LIPA: variants seen among roughly 807,000 people sequenced by gnomAD.
LIPA encodes lysosomal acid lipase/cholesteryl ester hydrolase.
Under a neutral mutation model 40.6 loss-of-function variants are expected in LIPA, and 26 were observed. The observed-to-expected ratio is 0.64, with a 90% confidence interval of 0.47 to 0.89. LIPA has a LOEUF of 0.89. Among genes scored for constraint, LIPA ranks in the 40% least tolerant of loss-of-function variants. The pLI is 0.00. For missense variants in LIPA, 455 were observed against 479.6 expected (o/e 0.95, Z 0.48); for synonymous variants, 188 against 168.4 (o/e 1.12, Z -0.90).
At chr10:89,298,173 T>A (rs543173409) in intron 1 of LIPA, among the ~76,000 whole-genome samples, 2 of 152,350 alleles carry the variant, frequency 1.3e-5, no homozygotes, top group Non-Finnish European at 2.9e-5. Flanking sequence ...GGCCCACTGC[T>A]GCCACTATCA....
At chr10:89,287,509 C>G (rs950058520) in intron 1 of LIPA, among the ~76,000 whole-genome samples, 1 of 152,130 alleles carries the variant, frequency 6.6e-6, no homozygotes, top group Non-Finnish European at 1.5e-5. Context: ...AAACTACAGC[C>G]ACATCTCATT....
At chr10:89,245,397 C>T (rs1843010850) in intron 3 of LIPA, among the ~76,000 whole-genome samples, 1 of 152,036 alleles carries the variant, frequency 6.6e-6, no homozygotes, top group Non-Finnish European at 1.5e-5. Flanking sequence ...CTATTTAATG[C>T]TCAAAACATT....
intron 8 of LIPA, among the ~76,000 whole-genome samples, chr10:89,218,722 A>G (rs1028760052): frequency 1.4e-4 from 21 of 152,194 alleles, no homozygotes; most frequent in African/African-American, 5.1e-4. Flanking sequence ...TGGCAGAGCT[A>G]TAGTATGGAG....
At chr10:89,392,547 C>A in intron 2 of LIPA, 1 of 346,528 alleles carries the variant, frequency 2.9e-6, no homozygotes. Flanking sequence ...TTCCAACTTG[C>A]AAGGACACAC....
chr10:89,384,199 A>G, intron 2 of LIPA: 1 of 1,614,188 alleles, frequency 6.2e-7, no homozygotes, highest in Non-Finnish European at 8.5e-7. Flanking sequence ...GCTTTGCTAC[A>G]GGGCACAAAT....
At chr10:89,402,807 A>G (rs1844454541) in intron 2 of LIPA, 2 of 1,614,226 alleles carry the variant, frequency 1.2e-6, no homozygotes, top group East Asian at 4.5e-5. Flanking sequence ...CCCTGAATCC[A>G]GCGCTGGGTA....
chr10:89,281,385 T>G (rs1049062706), intron 1 of LIPA, among the ~76,000 whole-genome samples: 1 of 152,220 alleles, frequency 6.6e-6, no homozygotes, highest in Non-Finnish European at 1.5e-5. Context: ...TCCACACTTG[T>G]TGTATTCAGT....
chr10:89,388,413 A>G (rs745598179), intron 2 of LIPA, among the ~76,000 whole-genome samples: 5 of 152,270 alleles, frequency 3.3e-5, no homozygotes, highest in Non-Finnish European at 5.9e-5. Flanking sequence ...GCCGAAAAAA[A>G]TTCTTAAACT....
At chr10:89,245,900 G>C in intron 2 of LIPA, 107 bp from the exon 3 acceptor site, 1 of 764,584 alleles carries the variant, frequency 1.3e-6, no homozygotes, top group South Asian at 1.4e-5. Flanking sequence ...CTTTAAGAAA[G>C]CATTTGTCAT....
chr10:89,376,207 A>AAAAG (rs1554879594), intron 2 of LIPA, among the ~76,000 whole-genome samples: 1 of 150,876 alleles, frequency 6.6e-6, no homozygotes, highest in African/African-American at 2.4e-5. Context: ...AAAAAAAAAA[A>AAAAG]AAGAAGAAGA....
chr10:89,380,422 T>A (rs1364997466), intron 2 of LIPA, among the ~76,000 whole-genome samples: 3 of 150,694 alleles, frequency 2.0e-5, no homozygotes, highest in Non-Finnish European at 4.4e-5. Flanking sequence ...ACTACATACA[T>A]GCACAAACTC....
At position 89,214,732 on chromosome 10, in the gene LIPA, C is replaced by A; in HGVS notation, c.*96G>T. ...TCTTGGATATAAAAAAACAAAAGAC[C>A]TGGGAAAGAAAAACAAGTGTTTTAC... On this transcript the variant is annotated 3_prime_UTR_variant, in exon 10 of 10. Coordinates refer to ENST00000336233, the MANE Select transcript of LIPA (RefSeq NM_000235.4). The A allele has an allele frequency of 1.3e-6, 1 of 784,206 alleles. No homozygotes were observed. The highest frequency in any genetic ancestry group is 2.1e-6 in the Non-Finnish European group (1 of 466,200). The allele number at this position is 784,206 out of a possible 1,614,324, so 48.6% of individuals were successfully genotyped here. A position where few individuals can be genotyped will look rare whatever the true frequency, so the allele number is the denominator to read the frequency against.
chr10:89,261,758 A>C (rs1221397304), intron 1 of LIPA, among the ~76,000 whole-genome samples: 1 of 152,118 alleles, frequency 6.6e-6, no homozygotes, highest in Admixed American at 6.6e-5. Context: ...CCTTGTTCAG[A>C]CCTGTGCATC....
chr10:89,389,089 T>C (rs961983803), intron 2 of LIPA, among the ~76,000 whole-genome samples: 3 of 152,216 alleles, frequency 2.0e-5, no homozygotes, highest in African/African-American at 4.8e-5. Flanking sequence ...AAATAGGCTA[T>C]AGCTAAAAAT....
At chr10:89,379,333 T>G (rs1844144341) in intron 2 of LIPA, among the ~76,000 whole-genome samples, 1 of 152,146 alleles carries the variant, frequency 6.6e-6, no homozygotes, top group Admixed American at 6.5e-5. Flanking sequence ...AACTCTAGGG[T>G]GGGGCCCATC....
At chr10:89,312,659 A>C (rs1843522630) in intron 1 of LIPA, among the ~76,000 whole-genome samples, 1 of 150,436 alleles carries the variant, frequency 6.6e-6, no homozygotes, top group African/African-American at 2.4e-5. Context: ...AATACAAAAA[A>C]TTAGACAGGC....
chr10:89,360,721 A>T (rs779354036), intron 2 of LIPA, among the ~76,000 whole-genome samples: 1 of 152,148 alleles, frequency 6.6e-6, no homozygotes. Flanking sequence ...ATTCCCTAAG[A>T]TCACAGCAGT....
At chr10:89,359,434 C>T (rs991103422) in intron 2 of LIPA, among the ~76,000 whole-genome samples, 4 of 152,202 alleles carry the variant, frequency 2.6e-5, no homozygotes, top group African/African-American at 9.6e-5. Flanking sequence ...AACTGCATTC[C>T]TGGTCACGAA....
At chr10:89,316,416 T>C (rs1843541808) in intron 1 of LIPA, among the ~76,000 whole-genome samples, 1 of 152,198 alleles carries the variant, frequency 6.6e-6, no homozygotes, top group African/African-American at 2.4e-5. Context: ...ACCAGGAGAT[T>C]ATATCCTGCT....
Sources: allele counts gnomAD v4.1 joint callset (sites outside exome capture counted in the v4.1 genomes callset), GRCh38; gene constraint gnomAD v4.1.1; transcripts MANE v1.5; gene names NCBI Gene and HGNC (gene_info 2026-07-23, HGNC 2026-07-21).